SUGCT: variants seen among roughly 807,000 people sequenced by gnomAD.
SUGCT encodes succinyl-CoA:glutarate CoA-transferase.
SUGCT carries 41 observed loss-of-function variants against 55.0 expected under a neutral mutation model. That is an observed-to-expected ratio of 0.74 (90% CI 0.58 to 0.97). The LOEUF (loss-of-function observed/expected upper bound fraction) is 0.97, where lower values mean the gene tolerates loss of function less well. Ranked by LOEUF, SUGCT falls within the 50% of genes least tolerant of loss-of-function variation. SUGCT has a pLI of 0.00. For missense variants in SUGCT, 568 were observed against 547.8 expected (o/e 1.04, Z -0.37); for synonymous variants, 187 against 200.4 (o/e 0.93, Z 0.56).
the SUGCT span, among the ~76,000 whole-genome samples, chr7:40,977,342 A>G: frequency 1.3e-5 from 2 of 152,356 alleles, no homozygotes; most frequent in East Asian, 3.9e-4. Flanking sequence ...GGGACAGGAC[A>G]GAGCTCCTAC....
intron 9 of SUGCT, among the ~76,000 whole-genome samples, chr7:40,372,294 A>G (rs541691418): frequency 6.6e-6 from 1 of 152,164 alleles, no homozygotes; most frequent in African/African-American, 2.4e-5. Context: ...GCCATTACAA[A>G]ATGTACTGCA....
At chr7:40,329,176 G>C (rs1796173680) in intron 9 of SUGCT, among the ~76,000 whole-genome samples, 1 of 152,114 alleles carries the variant, frequency 6.6e-6, no homozygotes, top group African/African-American at 2.4e-5. Flanking sequence ...GGTGCAGGCT[G>C]CCTGGGGGGA....
chr7:40,304,827 CAG>C (rs112643081), intron 8 of SUGCT, among the ~76,000 whole-genome samples: 2 of 151,646 alleles, frequency 1.3e-5, no homozygotes, highest in African/African-American at 4.8e-5. Flanking sequence ...ACCACATAAA[CAG>C]AATTAAAAAC....
At chr7:40,754,938 A>G (rs1336815413) in intron 13 of SUGCT, among the ~76,000 whole-genome samples, 1 of 152,222 alleles carries the variant, frequency 6.6e-6, no homozygotes, top group Non-Finnish European at 1.5e-5. Flanking sequence ...TGATTCATCA[A>G]CAATGCCAAT....
At chr7:40,186,263 C>T (rs1483659044) in intron 3 of SUGCT, among the ~76,000 whole-genome samples, 3 of 125,764 alleles carry the variant, frequency 2.4e-5, no homozygotes, top group Admixed American at 9.7e-5. Context: ...CTCTTCTCTT[C>T]TTTTTCTTTT....
chr7:40,820,241 A>G (rs1398228526), intron 13 of SUGCT, among the ~76,000 whole-genome samples: 3 of 151,806 alleles, frequency 2.0e-5, no homozygotes, highest in Admixed American at 2.0e-4. Context: ...CGTCTTGACA[A>G]TGTGGGCTCT....
chr7:40,232,896 C>G (rs887130682), intron 6 of SUGCT, among the ~76,000 whole-genome samples: 9 of 152,060 alleles, frequency 5.9e-5, no homozygotes, highest in Non-Finnish European at 1.0e-4. Flanking sequence ...CATTTTTCCT[C>G]TTTAATTTAG....
the SUGCT span, among the ~76,000 whole-genome samples, chr7:40,952,223 CTT>C: frequency 6.6e-6 from 1 of 152,078 alleles, no homozygotes; most frequent in Non-Finnish European, 1.5e-5. Context: ...TTCTTTGTCT[CTT>C]TTGATCTTTG....
chr7:40,236,299 C>A (rs1375318584), intron 6 of SUGCT, among the ~76,000 whole-genome samples: 3 of 151,744 alleles, frequency 2.0e-5, no homozygotes, highest in Non-Finnish European at 4.4e-5. Flanking sequence ...CGCAGGTGAT[C>A]CTCCCGCCTC....
intron 9 of SUGCT, among the ~76,000 whole-genome samples, chr7:40,356,280 T>G (rs1300094159): frequency 6.6e-6 from 1 of 152,264 alleles, no homozygotes; most frequent in East Asian, 1.9e-4. Context: ...AAATGCTGTT[T>G]TGCCTTGAAA....
intron 9 of SUGCT, among the ~76,000 whole-genome samples, chr7:40,356,922 A>G (rs781591917): frequency 1.3e-4 from 20 of 152,208 alleles, no homozygotes; most frequent in Non-Finnish European, 2.8e-4. Flanking sequence ...CAAATTGACT[A>G]TTGATATTGC....
At chr7:40,608,243 T>A (rs186379434) in intron 12 of SUGCT, among the ~76,000 whole-genome samples, 207 of 152,326 alleles carry the variant, frequency 1.4e-3, no homozygotes, top group African/African-American at 4.8e-3. Context: ...AATGTTCCTT[T>A]TTCATTTTTT....
the SUGCT span, among the ~76,000 whole-genome samples, chr7:41,033,446 G>A: frequency 6.6e-6 from 1 of 152,268 alleles, no homozygotes; most frequent in South Asian, 2.1e-4. Context: ...ATTGCATACA[G>A]TAGGAACTCT....
chr7:41,021,431 G>T, the SUGCT span, among the ~76,000 whole-genome samples: 1 of 152,086 alleles, frequency 6.6e-6, no homozygotes, highest in Admixed American at 6.6e-5. Flanking sequence ...AGTAGGAGGT[G>T]AATCTGTAAT....
At chr7:41,017,023 T>C in the SUGCT span, among the ~76,000 whole-genome samples, 1 of 152,232 alleles carries the variant, frequency 6.6e-6, no homozygotes, top group Non-Finnish European at 1.5e-5. Context: ...GACATCCTTT[T>C]CCTTAGAATC....
chr7:40,930,390 T>A, the SUGCT span, among the ~76,000 whole-genome samples: 2 of 152,214 alleles, frequency 1.3e-5, no homozygotes, highest in Non-Finnish European at 2.9e-5. Flanking sequence ...CTTAGGATTG[T>A]CTTGGCTATG....
At chr7:40,377,492 C>T (rs547310091) in intron 9 of SUGCT, among the ~76,000 whole-genome samples, 5 of 151,918 alleles carry the variant, frequency 3.3e-5, no homozygotes, top group South Asian at 2.1e-4. Context: ...ATCCACCTGC[C>T]TCGGCCTCCC....
intron 9 of SUGCT, among the ~76,000 whole-genome samples, chr7:40,344,254 G>A (rs60765497): frequency 3.3e-5 from 5 of 152,036 alleles, no homozygotes; most frequent in African/African-American, 9.7e-5. Flanking sequence ...TTATTTTATC[G>A]TGGTATTTTT....
intron 13 of SUGCT, among the ~76,000 whole-genome samples, chr7:40,810,520 T>A (rs1180468693): frequency 1.3e-5 from 2 of 152,206 alleles, no homozygotes; most frequent in East Asian, 1.9e-4. Context: ...TGATTAGTGA[T>A]GTGGAGCATT....
Sources: allele counts gnomAD v4.1 joint callset (sites outside exome capture counted in the v4.1 genomes callset), GRCh38; gene constraint gnomAD v4.1.1; transcripts MANE v1.5; gene names NCBI Gene and HGNC (gene_info 2026-07-23, HGNC 2026-07-21).